TBC1D14: variants seen among roughly 807,000 people sequenced by gnomAD.
TBC1D14 encodes the protein TBC1 domain family, member 14.
TBC1D14 carries 26 observed loss-of-function variants against 79.0 expected under a neutral mutation model. That is an observed-to-expected ratio of 0.33 (90% CI 0.24 to 0.46). The LOEUF is 0.46. Among genes scored for constraint, TBC1D14 ranks in the 20% least tolerant of loss-of-function variants. The pLI is 1.00. For missense variants in TBC1D14, 769 were observed against 887.6 expected (o/e 0.87, Z 1.70); for synonymous variants, 394 against 349.9 (o/e 1.13, Z -1.40).
intron 13 of TBC1D14, among the ~76,000 whole-genome samples, chr4:7,026,429 T>C (rs1314864632): frequency 2.0e-5 from 3 of 152,216 alleles, no homozygotes; most frequent in African/African-American, 7.2e-5. Flanking sequence ...TCATCAGATA[T>C]CCAGTTTTCA....
At chr4:6,988,860 T>A (rs1047924131) in intron 3 of TBC1D14, among the ~76,000 whole-genome samples, 13 of 150,314 alleles carry the variant, frequency 8.6e-5, no homozygotes, top group African/African-American at 3.2e-4. Context: ...CAGGAGTACT[T>A]TCTTTTTTCT....
At chr4:6,914,270 C>G (rs185712807) in intron 1 of TBC1D14, among the ~76,000 whole-genome samples, 2 of 152,122 alleles carry the variant, frequency 1.3e-5, no homozygotes, top group African/African-American at 4.8e-5. Flanking sequence ...CCTGGTTTGC[C>G]GAAACATACA....
intron 10 of TBC1D14, 152 bp from the exon 11 acceptor site, chr4:7,010,501 A>G: frequency 2.3e-6 from 2 of 858,658 alleles, no homozygotes; most frequent in African/African-American, 1.7e-5. Context: ...GTTCTGAGTG[A>G]GGGCAGTTCA....
At chr4:6,956,339 C>T (rs1577082206) in intron 2 of TBC1D14, among the ~76,000 whole-genome samples, 2 of 152,288 alleles carry the variant, frequency 1.3e-5, no homozygotes, top group East Asian at 3.9e-4. Flanking sequence ...GCAGCTCTGG[C>T]TCACTGTGGC....
At chr4:6,953,852 T>C (rs1296167481) in intron 2 of TBC1D14, among the ~76,000 whole-genome samples, 2 of 150,554 alleles carry the variant, frequency 1.3e-5, no homozygotes, top group Admixed American at 1.3e-4. Flanking sequence ...CCTGGCACAC[T>C]GCAGACGCTC....
At chr4:6,926,160 G>C (rs551767363) in intron 2 of TBC1D14, among the ~76,000 whole-genome samples, 32 of 152,336 alleles carry the variant, frequency 2.1e-4, no homozygotes, top group Non-Finnish European at 4.3e-4. Context: ...CTTTGTCCTC[G>C]CACGTTCTGT....
rs1715785437 is a variant in TBC1D14, at chr4:6,967,275, G to A, written c.723-29G>A. On this transcript the variant is annotated intron_variant, in intron 2 of 13. Transcript: ENST00000409757. ...GGTGTTTCTTGAATTACCCAGAAAT[G>A]CCCTAACCTTGTTATTTTCTTCCTA... is the stretch of plus-strand genomic sequence containing the variant. The A allele has an allele frequency of 5.6e-6, 9 of 1,611,054 alleles. 1 individual carries two copies. The South Asian group carries it at 8.8e-5, about 16-fold the overall frequency.
At chr4:6,914,964 G>C (rs535329697) in intron 1 of TBC1D14, among the ~76,000 whole-genome samples, 2 of 152,254 alleles carry the variant, frequency 1.3e-5, no homozygotes, top group South Asian at 4.1e-4. Context: ...GCTTGAACCC[G>C]GGAGGCGGAG....
At chr4:6,910,702 C>T (rs534672354) in intron 1 of TBC1D14, 1 of 152,358 alleles carries the variant, frequency 6.6e-6, no homozygotes, top group Non-Finnish European at 1.5e-5. Context: ...AGGAGAATGA[C>T]CCTGTGGACT....
intron 11 of TBC1D14, among the ~76,000 whole-genome samples, chr4:7,011,237 C>A (rs1382715080): frequency 6.6e-6 from 1 of 151,922 alleles, no homozygotes; most frequent in Non-Finnish European, 1.5e-5. Flanking sequence ...ACGCTGGAGA[C>A]CATACTCCTT....
chr4:6,987,439 C>A, intron 3 of TBC1D14: 2 of 1,214,736 alleles, frequency 1.6e-6, no homozygotes, highest in Non-Finnish European at 2.1e-6. Flanking sequence ...GCCAGCCCTG[C>A]GGCCCCGCGC....
intron 3 of TBC1D14, among the ~76,000 whole-genome samples, chr4:6,979,458 T>C (rs1347557151): frequency 6.6e-6 from 1 of 152,132 alleles, no homozygotes; most frequent in Admixed American, 6.5e-5. Flanking sequence ...AGACCCTGTC[T>C]CTATTGAAAA....
chr4:6,926,269 A>G (rs1724290677), intron 2 of TBC1D14, among the ~76,000 whole-genome samples: 1 of 152,264 alleles, frequency 6.6e-6, no homozygotes, highest in Non-Finnish European at 1.5e-5. Flanking sequence ...ATGCAGATCC[A>G]GACACGTAGT....
intron 2 of TBC1D14, among the ~76,000 whole-genome samples, chr4:6,945,222 G>A (rs1464508467): frequency 1.3e-5 from 2 of 152,122 alleles, no homozygotes; most frequent in Non-Finnish European, 2.9e-5. Context: ...GTAGGGGCGG[G>A]CCACATGCCA....
At chr4:6,967,139 T>G (rs968019084) in intron 2 of TBC1D14, among the ~76,000 whole-genome samples, 165 bp from the exon 3 acceptor site, 4 of 152,224 alleles carry the variant, frequency 2.6e-5, no homozygotes, top group Non-Finnish European at 4.4e-5. Flanking sequence ...CTTAAGGTCT[T>G]TCTCCTGCCG....
At chr4:6,967,569 TATTCACA>T (rs2109049409) in intron 3 of TBC1D14, 145 bp downstream of exon 3, 1 of 1,092,158 alleles carries the variant, frequency 9.2e-7, no homozygotes, top group African/African-American at 1.6e-5. Context: ...TTTAAGTCTG[TATTCACA>T]ATGTGGATGA....
At position 6,955,660 on chromosome 4, in the gene TBC1D14, G is replaced by A. The variant is rs115140836; in HGVS notation, c.723-11644G>A. On this transcript the variant is annotated intron_variant, in intron 2 of 13. Transcript: ENST00000409757. ...GGAGGGAAAGAGCAAGAAGCCCTGA[G>A]TAACTGCTGAAGTGCAAACAGGCGT... Among the ~76,000 whole-genome samples, 365 of 152,358 alleles carry A rather than the reference G, an allele frequency of 2.4e-3. 1 individual carries two copies. The highest frequency in any genetic ancestry group is 8.3e-3 in the African/African-American group (344 of 41,584).
At chr4:6,911,670 C>T (rs1188277715) in intron 1 of TBC1D14, among the ~76,000 whole-genome samples, 2 of 152,208 alleles carry the variant, frequency 1.3e-5, no homozygotes, top group African/African-American at 4.8e-5. Context: ...ATGCCTCCAC[C>T]TTCCCTCCTC....
chr4:6,940,624 G>T (rs1712814044), intron 2 of TBC1D14, among the ~76,000 whole-genome samples: 1 of 151,986 alleles, frequency 6.6e-6, no homozygotes, highest in Admixed American at 6.6e-5. Flanking sequence ...GGTGGGGGAG[G>T]AGCCTACACC....
Sources: allele counts gnomAD v4.1 joint callset (sites outside exome capture counted in the v4.1 genomes callset), GRCh38; gene constraint gnomAD v4.1.1; transcripts MANE v1.5; gene names NCBI Gene and HGNC (gene_info 2026-07-23, HGNC 2026-07-21).